Variants in ATE1 observed in about 807,000 individuals in gnomAD.
The protein encoded by ATE1 is arginyltransferase 1, also known as arginyl-tRNA--protein transferase 1.
Under a neutral mutation model 70.5 loss-of-function variants are expected in ATE1, and 36 were observed. That is an observed-to-expected ratio of 0.51 (90% CI 0.39 to 0.67). The LOEUF (loss-of-function observed/expected upper bound fraction) is 0.67. Among genes scored for constraint, ATE1 ranks in the 30% least tolerant of loss-of-function variants. The pLI, the probability that ATE1 is intolerant of heterozygous loss-of-function variation, is 0.00. For synonymous variants in ATE1, 232 were observed against 219.3 expected, an observed-to-expected ratio of 1.06 and a Z score of -0.51; for missense variants, 593 against 629.5, an observed-to-expected ratio of 0.94 and a Z score of 0.62.
At position 121,836,710 on chromosome 10, in the gene ATE1, A is replaced by T; in HGVS notation, c.1257+8T>A. 1 of 1,467,102 alleles carries T rather than the reference A, an allele frequency of 6.8e-7. No individual in the cohort carries two copies. The allele number at this position is 1,467,102 out of a possible 1,614,324, so 90.9% of individuals were successfully genotyped here. On this transcript the variant is annotated splice_region_variant and intron_variant, in intron 10 of 11. Coordinates refer to ENST00000224652, the MANE Select transcript of ATE1 (RefSeq NM_001001976.3). ...ATAAAAATACACATATGTGAAAATC[A>T]ACTTTACCTTATATTTCATCTTGGG...
upstream of ATE1, chr10:121,928,332 G>T: frequency 6.6e-7 from 1 of 1,518,590 alleles, no homozygotes; most frequent in South Asian, 1.2e-5. Flanking sequence ...CAACTCCGGC[G>T]TCGGGAACAC....
At chr10:121,862,289 G>A (rs1949500484) in intron 8 of ATE1, among the ~76,000 whole-genome samples, 1 of 152,064 alleles carries the variant, frequency 6.6e-6, no homozygotes, top group Non-Finnish European at 1.5e-5. Context: ...CATTCCTTCT[G>A]AATTCTAGCC....
chr10:121,753,541 G>GA (rs1330100216), intron 11 of ATE1, among the ~76,000 whole-genome samples: 1 of 152,122 alleles, frequency 6.6e-6, no homozygotes, highest in Admixed American at 6.5e-5. Context: ...GAGAAAAGCA[G>GA]AAAGAATGCA....
intron 7 of ATE1, among the ~76,000 whole-genome samples, chr10:121,892,968 T>A (rs1443835686): frequency 6.6e-6 from 1 of 152,124 alleles, no homozygotes. Context: ...TGTCCTTTCT[T>A]CTCTTCACTG....
chr10:121,794,610 C>CAAAAAAAA, intron 10 of ATE1, among the ~76,000 whole-genome samples: 1 of 77,550 alleles, frequency 1.3e-5, no homozygotes. Context: ...ACCCTGTCTC[C>CAAAAAAAA]AAAAAAAAAA....
chr10:121,786,533 G>A (rs1453178039), intron 11 of ATE1, among the ~76,000 whole-genome samples: 2 of 151,888 alleles, frequency 1.3e-5, no homozygotes, highest in Admixed American at 6.6e-5. Context: ...GCCAGGCATG[G>A]TGATGTGCAC....
At chr10:121,892,646 C>T (rs1188384174) in intron 7 of ATE1, among the ~76,000 whole-genome samples, 2 of 151,832 alleles carry the variant, frequency 1.3e-5, no homozygotes, top group African/African-American at 4.8e-5. Context: ...AGCTGGATTA[C>T]AGGTGCCCTC....
At chr10:121,923,446 G>GAGAGCGACTCTAGCCTGGGCAAC (rs1951960596) in intron 2 of ATE1, among the ~76,000 whole-genome samples, 2 of 152,036 alleles carry the variant, frequency 1.3e-5, no homozygotes, top group African/African-American at 2.4e-5. Flanking sequence ...GCCTGGGCAA[G>GAGAGCGACTCTAGCCTGGGCAAC]AGAGCGACTC....
At chr10:121,747,336 C>T (rs1944409866) in intron 11 of ATE1, among the ~76,000 whole-genome samples, 1 of 152,194 alleles carries the variant, frequency 6.6e-6, no homozygotes, top group African/African-American at 2.4e-5. Context: ...ACCTGTTCTG[C>T]TCTGTATTGC....
chr10:121,748,752 G>A (rs570551477), intron 11 of ATE1, among the ~76,000 whole-genome samples: 2 of 151,878 alleles, frequency 1.3e-5, no homozygotes, highest in East Asian at 1.9e-4. Context: ...ATATTGAGAA[G>A]CTATTCACTT....
At chr10:121,897,668 A>C (rs1950829194) in intron 7 of ATE1, among the ~76,000 whole-genome samples, 1 of 152,102 alleles carries the variant, frequency 6.6e-6, no homozygotes, top group Admixed American at 6.6e-5. Flanking sequence ...TCTACTAAAA[A>C]TATAAAAATT....
chr10:121,810,338 T>C (rs889177030), intron 10 of ATE1, among the ~76,000 whole-genome samples: 10 of 152,118 alleles, frequency 6.6e-5, no homozygotes, highest in Non-Finnish European at 1.5e-4. Context: ...TGGCACAATC[T>C]TGGCTCACTG....
intron 3 of ATE1, 96 bp from the exon 4 acceptor site, chr10:121,913,989 G>A: frequency 1.2e-6 from 1 of 866,690 alleles, no homozygotes; most frequent in Non-Finnish European, 1.7e-6. Context: ...ACCATCTCAT[G>A]CCTGAGATTT....
intron 11 of ATE1, among the ~76,000 whole-genome samples, chr10:121,786,003 A>G (rs1946190231): frequency 6.6e-6 from 1 of 152,146 alleles, no homozygotes; most frequent in Non-Finnish European, 1.5e-5. Flanking sequence ...AACACTAAAA[A>G]TAAGTATTAT....
intron 10 of ATE1, among the ~76,000 whole-genome samples, chr10:121,815,127 A>T (rs1947484248): frequency 6.6e-6 from 1 of 152,154 alleles, no homozygotes; most frequent in Non-Finnish European, 1.5e-5. Context: ...CAAGCATCAC[A>T]TCTTGGGAAT....
intron 8 of ATE1, among the ~76,000 whole-genome samples, chr10:121,851,267 A>AAT (rs1949046546): frequency 6.6e-6 from 1 of 151,942 alleles, no homozygotes; most frequent in Non-Finnish European, 1.5e-5. Flanking sequence ...AAAAATACAA[A>AAT]ATAGTAGCCA....
chr10:121,887,786 A>G (rs971356945), intron 7 of ATE1, among the ~76,000 whole-genome samples: 1 of 152,200 alleles, frequency 6.6e-6, no homozygotes, highest in Non-Finnish European at 1.5e-5. Context: ...ATGAGCCTAC[A>G]ATGCTATCAG....
intron 11 of ATE1, among the ~76,000 whole-genome samples, chr10:121,787,902 C>A (rs1229484210): frequency 6.6e-6 from 1 of 152,018 alleles, no homozygotes; most frequent in Non-Finnish European, 1.5e-5. Flanking sequence ...TGTTTAGTCT[C>A]TAAGTATTAT....
chr10:121,833,678 C>G (rs1948333354), intron 10 of ATE1, among the ~76,000 whole-genome samples: 1 of 152,010 alleles, frequency 6.6e-6, no homozygotes, highest in South Asian at 2.1e-4. Context: ...ATAAAGGTCT[C>G]AAGTGGGGGT....
Sources: allele counts gnomAD v4.1 joint callset (sites outside exome capture counted in the v4.1 genomes callset), GRCh38; gene constraint gnomAD v4.1.1; transcripts MANE v1.5; gene names NCBI Gene and HGNC (gene_info 2026-07-23, HGNC 2026-07-21).